UBA6: variants seen among roughly 807,000 people sequenced by gnomAD.
UBA6 encodes the protein ubiquitin like modifier activating enzyme 6, also known as ubiquitin-like modifier-activating enzyme 6.
Under a neutral mutation model 148.3 loss-of-function variants are expected in UBA6, and 87 were observed. The observed-to-expected ratio is 0.59, with a 90% CI of 0.49 to 0.70. UBA6 has a LOEUF of 0.70. Among genes scored for constraint, UBA6 ranks in the 30% least tolerant of loss-of-function variants. UBA6 has a pLI of 0.00. For missense variants in UBA6, 1,186 were observed against 1,241.2 expected (o/e 0.96, Z 0.67); for synonymous variants, 376 against 401.0 (o/e 0.94, Z 0.75).
intron 15 of UBA6, 127 bp downstream of exon 15, chr4:67,646,597 C>G (rs1191511476): frequency 1.6e-6 from 1 of 633,994 alleles, no homozygotes; most frequent in Non-Finnish European, 2.7e-6. Flanking sequence ...AAAATGATTC[C>G]TAAGTAGAGA....
intron 19 of UBA6, among the ~76,000 whole-genome samples, chr4:67,637,264 G>A (rs955176646): frequency 1.3e-4 from 19 of 151,320 alleles, no homozygotes; most frequent in Non-Finnish European, 2.4e-4. Flanking sequence ...AGCCCTGGAG[G>A]GAGGTGGAGG....
intron 27 of UBA6, among the ~76,000 whole-genome samples, chr4:67,626,843 T>A (rs1338054538): frequency 6.6e-6 from 1 of 151,968 alleles, no homozygotes; most frequent in South Asian, 2.1e-4. Flanking sequence ...CTGATCTTTT[T>A]AAAAATTCCA....
chr4:67,671,597 T>C (rs1006194846), intron 7 of UBA6, among the ~76,000 whole-genome samples: 4 of 152,204 alleles, frequency 2.6e-5, no homozygotes, highest in Non-Finnish European at 4.4e-5. Context: ...GTAAGTTCAG[T>C]GGCTATTCTG....
intron 13 of UBA6, among the ~76,000 whole-genome samples, chr4:67,659,876 G>A (rs959039344): frequency 1.1e-4 from 16 of 152,106 alleles, no homozygotes; most frequent in Non-Finnish European, 2.1e-4. Flanking sequence ...AGCCTGAGGC[G>A]GTCTCAGATG....
chr4:67,648,935 T>A, intron 14 of UBA6, 133 bp downstream of exon 14: 1 of 890,942 alleles, frequency 1.1e-6, no homozygotes, highest in South Asian at 2.2e-5. Context: ...GTTGGAGGCA[T>A]ACTGCTTGCA....
intron 18 of UBA6, among the ~76,000 whole-genome samples, chr4:67,639,749 A>G (rs1336935498): frequency 6.6e-6 from 1 of 152,218 alleles, no homozygotes; most frequent in Non-Finnish European, 1.5e-5. Context: ...ATAAAGTTTA[A>G]TTTATAAATT....
chr4:67,679,781 A>G (rs1577834397), intron 4 of UBA6, among the ~76,000 whole-genome samples: 4 of 152,158 alleles, frequency 2.6e-5, no homozygotes, highest in Admixed American at 2.6e-4. Context: ...ATACTTTATA[A>G]GCCTAAACCT....
At position 67,623,215 on chromosome 4, in the gene UBA6, T is replaced by C; in HGVS notation, c.2848A>G (p.Ile950Val). Residue 950 changes from isoleucine (I) to valine (V), a missense_variant, in exon 31 of 33, where the codon ATA (isoleucine) becomes GTA (valine). Physicochemically the swap from Ile to Val is conservative, Grantham distance 29 (BLOSUM62 3). Coordinates refer to ENST00000322244, the MANE Select transcript of UBA6 (RefSeq NM_018227.6). Reference sequence around the variant, plus strand: ...CATCGATCCCAAATTGTAAATGATATTCCATTTCTGTTACAGAAAAATATT... The same window carrying C: ...CATCGATCCCAAATTGTAAATGATACTCCATTTCTGTTACAGAAAAATATT... ...EVRKTKIRNG[I>V]SFTIWDRWTV... The C allele has an allele frequency of 6.2e-7, 1 of 1,610,542 alleles. No homozygotes were observed. The highest frequency in any genetic ancestry group is 2.2e-5 in the East Asian group (1 of 44,756).
chr4:67,650,864 A>T (rs574971225), intron 13 of UBA6, among the ~76,000 whole-genome samples: 1 of 152,256 alleles, frequency 6.6e-6, no homozygotes, highest in Non-Finnish European at 1.5e-5. Flanking sequence ...TAAACAAAAG[A>T]GGGGAGACAT....
In UBA6 at chr4:67,639,055, G is replaced by A. The variant is rs200138307; in HGVS notation, c.1624C>T (p.Leu542=). 25 of 1,613,398 alleles carry A rather than the reference G, an allele frequency of 1.5e-5. No individual in the cohort carries two copies. Among genetic ancestry groups the A allele is most frequent in the Non-Finnish European group, 1.9e-5 (23 of 1,179,628 alleles). ...INSQIKIDAH[L]NKVCPTTETI... Reference sequence around the variant, plus strand: ...TCAGTGGTTGGACATACTTTGTTCAGGTGTGCATCTATCTTTATTTGAGAA... The same window carrying A: ...TCAGTGGTTGGACATACTTTGTTCAAGTGTGCATCTATCTTTATTTGAGAA... Residue 542 remains leucine (L), a synonymous_variant, in exon 19 of 33, where the codon CTG becomes TTG. Transcript: ENST00000322244.
rs770626448 is a variant in UBA6, at chr4:67,626,440, T to G, written c.2438A>C (p.His813Pro). Residue 813 changes from histidine (H) to proline (P), a missense_variant, in exon 28 of 33, where the codon CAT (histidine) becomes CCT (proline). Coordinates refer to ENST00000322244, the MANE Select transcript of UBA6 (RefSeq NM_018227.6). Reference protein sequence around the residue: ...QTDETARKPDHVPISSEDERN... With the variant: ...QTDETARKPDPVPISSEDERN... The stretch of plus-strand genomic sequence containing the variant: ...CTCATCTTCACTGCTAATAGGAACA[T>G]GGTCTGGTTTCCTTGCAGTTTCATC... 6.2e-7 allele frequency: 1 copy of G among 1,611,248 alleles called. No individual in the cohort carries two copies. Among genetic ancestry groups the G allele is most frequent in the South Asian group, 1.1e-5 (1 of 90,822 alleles).
chr4:67,673,583 T>C (rs569481630), intron 7 of UBA6, 114 bp downstream of exon 7: 3 of 551,234 alleles, frequency 5.4e-6, no homozygotes, highest in South Asian at 2.8e-5. Context: ...AAAAAAATGA[T>C]TGTGATTAAT....
chr4:67,649,466 T>C (rs1177444299), intron 13 of UBA6, among the ~76,000 whole-genome samples: 1 of 152,222 alleles, frequency 6.6e-6, no homozygotes, highest in Non-Finnish European at 1.5e-5. Flanking sequence ...GCATCATTTA[T>C]AATTAACTCG....
At chr4:67,674,539 G>A (rs372285870) in intron 6 of UBA6, among the ~76,000 whole-genome samples, 4 of 152,124 alleles carry the variant, frequency 2.6e-5, no homozygotes, top group South Asian at 2.1e-4. Context: ...GGACGGGGGC[G>A]AGGAAGAAAA....
intron 7 of UBA6, among the ~76,000 whole-genome samples, chr4:67,673,490 C>A (rs1577829575): frequency 6.7e-6 from 1 of 149,822 alleles, no homozygotes; most frequent in South Asian, 2.1e-4. Context: ...AACATTAATT[C>A]TTCCTTAGTT....
intron 18 of UBA6, 54 bp from the exon 19 acceptor site, chr4:67,639,178 T>A (rs1027660683): frequency 2.2e-6 from 3 of 1,391,192 alleles, no homozygotes; most frequent in African/African-American, 2.9e-5. Flanking sequence ...AAAAGGACTA[T>A]GATTTTTCTA....
At chr4:67,623,289 C>A (rs1327036468) in intron 30 of UBA6, 67 bp from the exon 31 acceptor site, 30 of 1,122,858 alleles carry the variant, frequency 2.7e-5, no homozygotes, top group African/African-American at 7.9e-5. Context: ...GACACACACA[C>A]AAAAAAAACC....
chr4:67,657,102 C>T (rs1729718027), intron 13 of UBA6, among the ~76,000 whole-genome samples: 1 of 152,186 alleles, frequency 6.6e-6, no homozygotes, highest in South Asian at 2.1e-4. Context: ...AACGCCCATA[C>T]TGCCCAAGGT....
chr4:67,696,793 A>C (rs1030467698), intron 1 of UBA6, 86 bp from the exon 2 acceptor site: 3 of 1,063,864 alleles, frequency 2.8e-6, no homozygotes, highest in African/African-American at 3.2e-5. Flanking sequence ...CCAGTTACTA[A>C]AGGTTTTCAC....
Sources: allele counts gnomAD v4.1 joint callset (sites outside exome capture counted in the v4.1 genomes callset), GRCh38; gene constraint gnomAD v4.1.1; transcripts MANE v1.5; gene names NCBI Gene and HGNC (gene_info 2026-07-23, HGNC 2026-07-21).